The following HDAC5 variants were observed in gnomAD, a reference collection of about 807,000 sequenced individuals.
HDAC5 encodes histone deacetylase 5.
Under a neutral mutation model 133.3 loss-of-function variants are expected in HDAC5, and 25 were observed. That is an observed-to-expected ratio of 0.19 (90% CI 0.14 to 0.26). The LOEUF (loss-of-function observed/expected upper bound fraction) is 0.26, where lower values mean the gene tolerates loss of function less well. HDAC5 is among the 10% of genes least tolerant of loss of function. The probability of loss-of-function intolerance (pLI) is 1.00; values close to 1 mark genes in which losing one functional copy is unlikely to be tolerated. For synonymous variants in HDAC5, 589 were observed against 610.8 expected (o/e 0.96, Z 0.53); for missense variants, 1,041 against 1,460.5 (o/e 0.71, Z 4.68).
intron 2 of HDAC5, 143 bp from the exon 3 acceptor site, chr17:44,110,943 C>G (rs228767): frequency 0.7 from 476,736 of 678,440 alleles, 176,432 homozygotes; most frequent in South Asian, 0.86. Context: ...GCAGCCCGCA[C>G]AGCACAGGTT....
At chr17:44,108,197 G>T (rs1306286334) in intron 3 of HDAC5, among the ~76,000 whole-genome samples, 1 of 152,172 alleles carries the variant, frequency 6.6e-6, no homozygotes, top group African/African-American at 2.4e-5. Context: ...CTTTAAGCAA[G>T]AACAGCAGAC....
chr17:44,114,826 C>T (rs569898974), intron 2 of HDAC5, among the ~76,000 whole-genome samples: 8 of 152,342 alleles, frequency 5.3e-5, no homozygotes, highest in Admixed American at 2.0e-4. Flanking sequence ...TCCTCAAACC[C>T]CCTTTTGCCG....
intron 2 of HDAC5, chr17:44,111,114 G>A (rs1326962761): frequency 4.5e-6 from 2 of 447,026 alleles, no homozygotes; most frequent in Non-Finnish European, 8.6e-6. Flanking sequence ...CCTGGGAGCT[G>A]GGGTATGGCT....
chr17:44,090,401 G>GT (rs2050885807), intron 11 of HDAC5, among the ~76,000 whole-genome samples: 1 of 151,932 alleles, frequency 6.6e-6, no homozygotes, highest in Admixed American at 6.6e-5. Flanking sequence ...TTGAGACAGA[G>GT]TGTCGCTCTG....
intron 12 of HDAC5, 86 bp from the exon 13 acceptor site, chr17:44,087,782 C>A: frequency 7.1e-7 from 1 of 1,418,332 alleles, no homozygotes; most frequent in Non-Finnish European, 9.3e-7. Context: ...TCCTTCCCTC[C>A]CTCCCTTCTT....
In HDAC5 at chr17:44,091,130, T is replaced by C. The variant is rs1474992457; in HGVS notation, c.1387+140A>G. ...AGAACAGTGCCTGGCATCCTGTAGGTATCCCATGTTTCCAGAATGTGGAAG... is the reference window on the plus strand; with the variant it reads ...AGAACAGTGCCTGGCATCCTGTAGGCATCCCATGTTTCCAGAATGTGGAAG... On this transcript the variant is annotated intron_variant, in intron 11 of 26. Transcript: ENST00000682912. 9 of 722,654 alleles carry C rather than the reference T, an allele frequency of 1.2e-5. No homozygotes were observed. In the African/African-American group the frequency reaches 1.4e-4, roughly 11 times the overall value. 44.8% of individuals were successfully genotyped at this position (722,654 alleles called of 1,614,324 possible).
At chr17:44,105,123 G>T (rs1200004631) in intron 3 of HDAC5, among the ~76,000 whole-genome samples, 2 of 152,160 alleles carry the variant, frequency 1.3e-5, no homozygotes, top group African/African-American at 4.8e-5. Context: ...AAACATTAAG[G>T]CCCGGTCTCA....
intron 17 of HDAC5, 33 bp from the exon 18 acceptor site, chr17:44,083,685 C>T: frequency 1.3e-6 from 2 of 1,596,044 alleles, no homozygotes; most frequent in African/African-American, 1.3e-5. Flanking sequence ...TCAGTGTGCC[C>T]CCTGCAGGGC....
intron 3 of HDAC5, among the ~76,000 whole-genome samples, chr17:44,094,869 T>C (rs1266835113): frequency 6.6e-6 from 1 of 152,006 alleles, no homozygotes; most frequent in Non-Finnish European, 1.5e-5. Context: ...AATGGCATGA[T>C]CGTGGCTCAT....
chr17:44,091,418 C>A lies in HDAC5; in HGVS notation c.1239G>T (p.Leu413=). ...AGGATGTGCTCATGAACTTGCCGGT[C>A]AGCGTGCCACCCTGCCGCAGGGACT... ...ALQSLRQGGT[L]TGKFMSTSSI... Residue 413 remains leucine, a synonymous_variant, in exon 11 of 27, where the codon CTG becomes CTT. Coordinates refer to ENST00000682912, the MANE Select transcript of HDAC5 (RefSeq NM_005474.5). 6.4e-7 allele frequency: 1 copy of A among 1,559,414 alleles called. No homozygotes were observed. The highest frequency in any genetic ancestry group is 1.2e-5 in the South Asian group (1 of 81,192).
intron 15 of HDAC5, 133 bp from the exon 16 acceptor site, chr17:44,084,808 G>A (rs1416498353): frequency 2.1e-5 from 28 of 1,325,278 alleles, no homozygotes; most frequent in East Asian, 7.0e-5. Flanking sequence ...GTAGATCCTG[G>A]CTCTGTCATG....
chr17:44,077,405 C>T lies in HDAC5; in HGVS notation c.*971G>A, dbSNP rs1266221470. 1.3e-5 allele frequency: 2 copies of T among 152,284 alleles called. No homozygotes were observed. Among genetic ancestry groups the T allele is most frequent in the Admixed American group, 6.5e-5 (1 of 15,286 alleles). 9.4% of individuals were successfully genotyped at this position (152,284 alleles called of 1,614,324 possible). The stretch of plus-strand genomic sequence containing the variant: ...CCTTACCCCTTCTAGAACCTCCATT[C>T]TCACCATCCCCAGGATCCAAAACAA... On this transcript the variant is annotated 3_prime_UTR_variant, in exon 27 of 27. Transcript: ENST00000682912.
At chr17:44,084,427 C>T in intron 16 of HDAC5, 128 bp downstream of exon 16, 3 of 1,127,028 alleles carry the variant, frequency 2.7e-6, no homozygotes, top group Non-Finnish European at 3.8e-6. Context: ...AATTGTGCCA[C>T]CTCTGCCGCA....
chr17:44,109,291 G>A (rs924490779), intron 3 of HDAC5, among the ~76,000 whole-genome samples: 1 of 152,160 alleles, frequency 6.6e-6, no homozygotes, highest in African/African-American at 2.4e-5. Flanking sequence ...AGCAGGCAGG[G>A]TCTTTAGCTG....
chr17:44,111,346 G>C (rs1000680335), intron 2 of HDAC5: 58 of 330,810 alleles, frequency 1.8e-4, no homozygotes, highest in South Asian at 7.0e-4. Context: ...AGGCCCCATG[G>C]GGGGGGAGGC....
Position 44,088,494 on chromosome 17 carries a change from A to G in HDAC5, c.1492T>C (p.Ser498Pro). 6.2e-7 allele frequency: 1 copy of G among 1,612,618 alleles called. No homozygotes were observed. Among genetic ancestry groups the G allele is most frequent in the Non-Finnish European group, 8.5e-7 (1 of 1,179,714 alleles). ...TGGGGACTCTGCGGCAGCGGTGAGG[A>G]CTGAGTGCGGCTCAGGGGCCGATGC... ...PRHRPLSRTQ[S>P]SPLPQSPQAL... The change falls in exon 12 of 27, where the codon TCC becomes CCC. Residue 498 changes from serine to proline, a missense_variant. Physicochemically the swap from Ser to Pro is moderately conservative, Grantham distance 74. Around this residue, in one of 9 missense-constraint regions of HDAC5, gnomAD observed 433 missense variants for 531.6 expected, o/e 0.81. Coordinates refer to ENST00000682912, the MANE Select transcript of HDAC5 (RefSeq NM_005474.5).
intron 3 of HDAC5, among the ~76,000 whole-genome samples, chr17:44,099,908 C>T (rs1312237145): frequency 6.6e-6 from 1 of 152,182 alleles, no homozygotes; most frequent in Non-Finnish European, 1.5e-5. Flanking sequence ...TTTCCCATCC[C>T]GCTGGGTCTG....
chr17:44,093,513 A>G (rs1206362283), intron 4 of HDAC5, 28 bp from the exon 5 acceptor site: 1 of 1,601,106 alleles, frequency 6.2e-7, no homozygotes, highest in Non-Finnish European at 8.5e-7. Flanking sequence ...CGGAGGCACA[A>G]GTGAGCCAGG....
At chr17:44,082,225 T>C in intron 20 of HDAC5, 1 of 267,954 alleles carries the variant, frequency 3.7e-6, no homozygotes, top group Non-Finnish European at 7.2e-6. Context: ...ATTGTGTTCC[T>C]GGTATACAGT....
Sources: allele counts gnomAD v4.1 joint callset (sites outside exome capture counted in the v4.1 genomes callset), GRCh38; gene constraint gnomAD v4.1.1; regional missense constraint gnomAD v4.1.1; transcripts MANE v1.5; gene names NCBI Gene and HGNC (gene_info 2026-07-23, HGNC 2026-07-21).